Variants in TMEM108 observed in about 807,000 individuals in gnomAD.
TMEM108 encodes cancer/testis antigen 124.
TMEM108 carries 12 observed loss-of-function variants against 35.1 expected under a neutral mutation model. That is an observed-to-expected ratio of 0.34 (90% CI 0.22 to 0.55). The LOEUF (loss-of-function observed/expected upper bound fraction) is 0.55. Among genes scored for constraint, TMEM108 ranks in the 20% least tolerant of loss-of-function variants. The pLI is 0.89. For synonymous variants in TMEM108, 287 were observed against 308.6 expected (o/e 0.93, Z 0.73); for missense variants, 680 against 753.3 (o/e 0.90, Z 1.14).
At chr3:133,266,309 G>A (rs1225612342) in intron 3 of TMEM108, among the ~76,000 whole-genome samples, 2 of 152,194 alleles carry the variant, frequency 1.3e-5, no homozygotes, top group Non-Finnish European at 2.9e-5. Context: ...GGTATGAAAA[G>A]TCACCTATAG....
chr3:133,181,023 A>AAAAAAAAC (rs1945332872), intron 2 of TMEM108, among the ~76,000 whole-genome samples: 1 of 141,852 alleles, frequency 7.0e-6, no homozygotes. Flanking sequence ...AAAAAAAAAA[A>AAAAAAAAC]AAAAAAAAAA....
At chr3:133,083,303 C>T (rs191190236) in intron 2 of TMEM108, among the ~76,000 whole-genome samples, 1 of 152,148 alleles carries the variant, frequency 6.6e-6, no homozygotes, top group African/African-American at 2.4e-5. Flanking sequence ...ACTCCTCATC[C>T]CCCTCCCAGC....
At chr3:133,097,470 C>T (rs552500856) in intron 2 of TMEM108, among the ~76,000 whole-genome samples, 2 of 152,288 alleles carry the variant, frequency 1.3e-5, no homozygotes, top group South Asian at 4.2e-4. Flanking sequence ...GCACGTTTCC[C>T]AGCCTATAAG....
chr3:133,223,716 G>T (rs999241947), intron 2 of TMEM108, among the ~76,000 whole-genome samples: 1 of 152,090 alleles, frequency 6.6e-6, no homozygotes, highest in Non-Finnish European at 1.5e-5. Context: ...GTTCAGTAAG[G>T]TCACAAAATT....
At chr3:133,375,542 C>T (rs986091368) in intron 3 of TMEM108, among the ~76,000 whole-genome samples, 2 of 152,074 alleles carry the variant, frequency 1.3e-5, no homozygotes, top group African/African-American at 4.8e-5. Flanking sequence ...AGTGTGTAGT[C>T]CAGCACAAAG....
chr3:133,056,370 T>G (rs1159740061), intron 2 of TMEM108, among the ~76,000 whole-genome samples: 1 of 152,238 alleles, frequency 6.6e-6, no homozygotes, highest in African/African-American at 2.4e-5. Context: ...CAGATAGATC[T>G]GCATTTCTAT....
chr3:133,088,143 A>G lies in TMEM108; in HGVS notation c.-47+42123A>G, dbSNP rs554079884. 3.9e-5 allele frequency among the ~76,000 whole-genome samples: 6 copies of G among 152,246 alleles called. No individual in the cohort carries two copies. The East Asian group carries it at 7.7e-4, about 20-fold the overall frequency. ...AAAGATGTCTGTGGTCCTTGTTGTC[A>G]TGGTATCTGTGGTGTTGTTAAAGGG... On this transcript the variant is annotated intron_variant, in intron 2 of 5. Transcript: ENST00000321871.
At chr3:133,385,418 G>A (rs1377989421) in intron 4 of TMEM108, among the ~76,000 whole-genome samples, 1 of 152,154 alleles carries the variant, frequency 6.6e-6, no homozygotes, top group Admixed American at 6.5e-5. Flanking sequence ...CAAGAGGGCC[G>A]TGGGCTTCTA....
chr3:133,393,062 C>T (rs9853757), intron 5 of TMEM108, among the ~76,000 whole-genome samples: 84,528 of 151,488 alleles, frequency 0.56, 23,924 homozygotes, highest in African/African-American at 0.67. Flanking sequence ...CACCACACTT[C>T]CCATTGATCA....
At chr3:133,282,853 A>G (rs1259119044) in intron 3 of TMEM108, among the ~76,000 whole-genome samples, 2 of 152,248 alleles carry the variant, frequency 1.3e-5, no homozygotes, top group Admixed American at 6.5e-5. Flanking sequence ...AAGTACCACT[A>G]TTTAAGGGAC....
intron 2 of TMEM108, among the ~76,000 whole-genome samples, chr3:133,196,047 A>G (rs1030431168): frequency 2.0e-5 from 3 of 152,186 alleles, no homozygotes; most frequent in Non-Finnish European, 4.4e-5. Context: ...ATCTTTGTCC[A>G]CCTTTTACAG....
chr3:133,245,077 CT>C (rs963618040), intron 3 of TMEM108, among the ~76,000 whole-genome samples: 5 of 152,144 alleles, frequency 3.3e-5, no homozygotes, highest in African/African-American at 1.2e-4. Flanking sequence ...TAGGACAGGA[CT>C]TTTATTCCCT....
At chr3:133,395,669 A>G (rs1197301) in intron 5 of TMEM108, among the ~76,000 whole-genome samples, 195 bp from the exon 6 acceptor site, 3 of 151,736 alleles carry the variant, frequency 2.0e-5, no homozygotes, top group Non-Finnish European at 2.9e-5. Context: ...AAATATACAC[A>G]TACACACACA....
At position 133,068,486 on chromosome 3, in the gene TMEM108, G is replaced by A. The variant is rs1170462118; in HGVS notation, c.-47+22466G>A. Among the ~76,000 whole-genome samples the A allele has an allele frequency of 7.9e-5, 12 of 152,256 alleles. No homozygotes were observed. The East Asian group carries it at 1.9e-3, about 25-fold the overall frequency. ...TTGGAGGACTGTGGCAAGAAATTAA[G>A]AAAGAGAGAAATCTTATACCACCTC... On this transcript the variant is annotated intron_variant, in intron 2 of 5. Coordinates refer to ENST00000321871, the MANE Select transcript of TMEM108 (RefSeq NM_023943.4).
At chr3:133,240,415 A>G (rs2107660073) in intron 3 of TMEM108, among the ~76,000 whole-genome samples, 1 of 152,336 alleles carries the variant, frequency 6.6e-6, no homozygotes, top group Admixed American at 6.5e-5. Flanking sequence ...GTTTAATAAG[A>G]CATTCTCATT....
At chr3:133,342,498 A>G (rs2071685575) in intron 3 of TMEM108, among the ~76,000 whole-genome samples, 1 of 142,040 alleles carries the variant, frequency 7.0e-6, no homozygotes, top group East Asian at 2.0e-4. Context: ...CACCCACTAT[A>G]TAACCACAAA....
intron 3 of TMEM108, among the ~76,000 whole-genome samples, chr3:133,358,919 T>C (rs1188193090): frequency 6.6e-6 from 1 of 152,138 alleles, no homozygotes; most frequent in Non-Finnish European, 1.5e-5. Context: ...GAAAACTTAT[T>C]GGGAACCTTC....
intron 3 of TMEM108, among the ~76,000 whole-genome samples, chr3:133,313,397 C>T (rs2071158676): frequency 1.3e-5 from 2 of 152,218 alleles, no homozygotes; most frequent in African/African-American, 4.8e-5. Flanking sequence ...CGGGTTTTCA[C>T]CGTGGTCCCA....
At chr3:133,177,292 G>A in intron 2 of TMEM108, among the ~76,000 whole-genome samples, 1 of 152,050 alleles carries the variant, frequency 6.6e-6, no homozygotes. Context: ...AGAAAAAGAG[G>A]GAATCCTCCC....
Sources: gnomAD v4.1 joint callset for allele counts (sites outside exome capture counted in the v4.1 genomes callset) on GRCh38, gnomAD v4.1.1 for gene constraint, MANE v1.5 for transcripts, NCBI Gene and HGNC (gene_info 2026-07-23, HGNC 2026-07-21) for gene names.